RC3H2: variants seen among roughly 807,000 people sequenced by gnomAD.
The protein encoded by RC3H2 is roquin-2.
Under a neutral mutation model 133.3 loss-of-function variants are expected in RC3H2, and 31 were observed. That is an observed-to-expected ratio of 0.23 (90% CI 0.17 to 0.31). The LOEUF is 0.31. Ranked by LOEUF, RC3H2 falls within the 10% of genes least tolerant of loss-of-function variation. The pLI, the probability that RC3H2 is intolerant of heterozygous loss-of-function variation, is 1.00. For missense variants in RC3H2, 1,175 were observed against 1,437.2 expected, an observed-to-expected ratio of 0.82 and a Z score of 2.95; for synonymous variants, 517 against 502.2, an observed-to-expected ratio of 1.03 and a Z score of -0.40.
intron 13 of RC3H2, among the ~76,000 whole-genome samples, chr9:122,857,556 C>A (rs995460724): frequency 6.6e-6 from 1 of 152,142 alleles, no homozygotes; most frequent in African/African-American, 2.4e-5. Flanking sequence ...ATGGAAAATA[C>A]CTGCCCCCTA....
rs1393024428 is a variant in RC3H2, at chr9:122,854,166, G to A, written c.2982+19C>T. On this transcript the variant is annotated intron_variant, in intron 17 of 20. Coordinates refer to ENST00000357244, the MANE Select transcript of RC3H2 (RefSeq NM_001100588.3). ...TCATTCTATTTCTCAAAAATTTATA[G>A]CTGAGTTACAGAGCCTACCTGCTGA... 2 of 1,612,134 alleles carry A rather than the reference G, an allele frequency of 1.2e-6. No homozygotes were observed. Among genetic ancestry groups the A allele is most frequent in the East Asian group, 4.5e-5 (2 of 44,894 alleles).
chr9:122,849,623 C>A lies in RC3H2; in HGVS notation c.*4G>T. On this transcript the variant is annotated 3_prime_UTR_variant, in exon 21 of 21. Coordinates refer to ENST00000357244, the MANE Select transcript of RC3H2 (RefSeq NM_001100588.3). ...GGTCACAAATTTGAAAGATGAACCT[C>A]CTTTCAGCTGTTAACCATCTTCCCA... is the stretch of plus-strand genomic sequence containing the variant. 1.2e-6 allele frequency: 2 copies of A among 1,606,678 alleles called. No homozygotes were observed. Among genetic ancestry groups the A allele is most frequent in the Non-Finnish European group, 1.7e-6 (2 of 1,175,120 alleles).
intron 9 of RC3H2, 98 bp from the exon 10 acceptor site, chr9:122,865,755 GA>G: frequency 9.5e-7 from 1 of 1,052,446 alleles, no homozygotes; most frequent in East Asian, 2.4e-5. Flanking sequence ...GAAAAAGGAG[GA>G]AACAGTTTTG....
In RC3H2 at chr9:122,847,262, TA is replaced by T. The variant is rs1829891185; in HGVS notation, c.*2364del. Reference sequence around the variant, plus strand: ...AATTTCAATTTTAAAATTAAAAAGATAAGGTTAAATACACAAGATCAATTTA... The same window carrying T: ...AATTTCAATTTTAAAATTAAAAAGATAGGTTAAATACACAAGATCAATTTA... On this transcript the variant is annotated 3_prime_UTR_variant, in exon 21 of 21. Coordinates refer to ENST00000357244, the MANE Select transcript of RC3H2 (RefSeq NM_001100588.3). The T allele has an allele frequency of 6.6e-6, 1 of 152,004 alleles. No homozygotes were observed. Among genetic ancestry groups the T allele is most frequent in the Non-Finnish European group, 1.5e-5 (1 of 67,940 alleles). 9.4% of individuals were successfully genotyped at this position (152,004 alleles called of 1,614,324 possible).
intron 9 of RC3H2, among the ~76,000 whole-genome samples, chr9:122,871,794 C>G (rs1057489408): frequency 6.6e-6 from 1 of 152,116 alleles, no homozygotes; most frequent in African/African-American, 2.4e-5. Flanking sequence ...TGTAAGCCCC[C>G]GGAGGACAAG....
chr9:122,877,830 A>G (rs1327968430), intron 8 of RC3H2, among the ~76,000 whole-genome samples: 1 of 152,256 alleles, frequency 6.6e-6, no homozygotes, highest in African/African-American at 2.4e-5. Flanking sequence ...ATGTCCATTT[A>G]TTCATTAGTT....
chr9:122,865,376 C>T lies in RC3H2; in HGVS notation c.1607G>A (p.Gly536Glu), dbSNP rs764672649. 20 of 1,611,756 alleles carry T rather than the reference C, an allele frequency of 1.2e-5. No individual in the cohort carries two copies. Among genetic ancestry groups the T allele is most frequent in the Non-Finnish European group, 1.2e-5 (14 of 1,178,066 alleles). ...TTCAGTTACAGAATCTGCAGAGGGC[C>T]CAGCAGCATTCTGACCATTAGCGCC... ...KVGANGQNAAGPSADSVTENK... is the reference protein window; with the variant it reads ...KVGANGQNAAEPSADSVTENK... Residue 536 changes from glycine to glutamate, a missense_variant, in exon 10 of 21, where the codon GGG (glycine) becomes GAG (glutamate). This residue lies in a region of RC3H2 where 490 missense variants were observed against 492.8 expected (regional missense o/e 0.99). Coordinates refer to ENST00000357244, the MANE Select transcript of RC3H2 (RefSeq NM_001100588.3).
intron 9 of RC3H2, chr9:122,875,412 T>C (rs937991776): frequency 1.2e-5 from 18 of 1,478,356 alleles, no homozygotes; most frequent in East Asian, 7.5e-5. Context: ...TCATGGGCCA[T>C]AGTTTCTGTA....
At chr9:122,853,871 C>T (rs754698951) in intron 18 of RC3H2, 81 bp downstream of exon 18, 1 of 1,613,126 alleles carries the variant, frequency 6.2e-7, no homozygotes, top group Non-Finnish European at 8.5e-7. Flanking sequence ...CACCAAAATG[C>T]ACTCAGTAAT....
At chr9:122,852,208 G>A (rs1350199284) in intron 18 of RC3H2, among the ~76,000 whole-genome samples, 1 of 151,098 alleles carries the variant, frequency 6.6e-6, no homozygotes, top group African/African-American at 2.4e-5. Context: ...GGGAGGTGAG[G>A]AGCGTCTCTG....
At chr9:122,878,923 ATTTT>A (rs202108667) in intron 8 of RC3H2, among the ~76,000 whole-genome samples, 1 of 131,168 alleles carries the variant, frequency 7.6e-6, no homozygotes, top group Non-Finnish European at 1.7e-5. Context: ...TCATTTTTGT[ATTTT>A]TTTTTTTTTA....
At position 122,855,685 on chromosome 9, in the gene RC3H2, T is replaced by C. The variant is rs1318745494; in HGVS notation, c.2601+47A>G. On this transcript the variant is annotated intron_variant, in intron 14 of 20. Coordinates refer to ENST00000357244, the MANE Select transcript of RC3H2 (RefSeq NM_001100588.3). ...ATTCATTCTACAACATGAGTGAACATGCATCATCTCTCACCTCCAACCCCT... is the reference window on the plus strand; with the variant it reads ...ATTCATTCTACAACATGAGTGAACACGCATCATCTCTCACCTCCAACCCCT... 2.5e-6 allele frequency: 4 copies of C among 1,569,490 alleles called. No individual in the cohort carries two copies. The African/African-American group carries it at 4.1e-5, about 16-fold the overall frequency.
intron 9 of RC3H2, chr9:122,875,237 C>G (rs746801787): frequency 4.4e-5 from 68 of 1,551,056 alleles, no homozygotes; most frequent in Non-Finnish European, 5.8e-5. Context: ...TGTTTCTGCT[C>G]TTTTCACTGC....
At chr9:122,861,837 ATAAC>A (rs1156336336) in intron 10 of RC3H2, among the ~76,000 whole-genome samples, 5 of 152,344 alleles carry the variant, frequency 3.3e-5, no homozygotes, top group East Asian at 1.9e-4. Context: ...AATGTAAAAA[ATAAC>A]TAAGGAACTG....
rs1269938826 is a variant in RC3H2, at chr9:122,868,837, ATATG to A, written c.1326-3184_1326-3181del. ...ATAATCCTTAACAATATTCCCTCCT[ATATG>A]TGTGTGTGTGTGTGTGTGTGTGTGT... On this transcript the variant is annotated intron_variant, in intron 9 of 20. Transcript: ENST00000357244. Among the ~76,000 whole-genome samples the A allele has an allele frequency of 3.6e-4, 44 of 122,932 alleles. 1 individual carries two copies. The highest frequency in any genetic ancestry group is 1.3e-3 in the African/African-American group (40 of 30,246). 80.6% of individuals were successfully genotyped at this position (122,932 alleles called of 152,430 possible).
intron 8 of RC3H2, among the ~76,000 whole-genome samples, chr9:122,879,097 T>C (rs1042006380): frequency 6.6e-6 from 1 of 150,424 alleles, no homozygotes; most frequent in Non-Finnish European, 1.5e-5. Context: ...GAAAAGTATC[T>C]TGAAAATTCA....
At chr9:122,869,422 T>C (rs1202219683) in intron 9 of RC3H2, among the ~76,000 whole-genome samples, 1 of 152,184 alleles carries the variant, frequency 6.6e-6, no homozygotes, top group African/African-American at 2.4e-5. Flanking sequence ...TATTCAGTCC[T>C]TCTCTTCTCC....
intron 2 of RC3H2, among the ~76,000 whole-genome samples, chr9:122,894,094 C>T (rs1443032810): frequency 2.0e-5 from 3 of 152,122 alleles, no homozygotes; most frequent in South Asian, 4.2e-4. Flanking sequence ...CCTGTATCTA[C>T]TAAAAATACA....
intron 18 of RC3H2, chr9:122,851,691 G>A (rs1473343680): frequency 2.5e-5 from 10 of 401,804 alleles, no homozygotes; most frequent in Admixed American, 7.8e-5. Flanking sequence ...TGGAGACGGG[G>A]TTTCGCTGTG....
Sources: allele counts gnomAD v4.1 joint callset (sites outside exome capture counted in the v4.1 genomes callset), GRCh38; gene constraint gnomAD v4.1.1; regional missense constraint gnomAD v4.1.1; transcripts MANE v1.5; gene names NCBI Gene and HGNC (gene_info 2026-07-23, HGNC 2026-07-21).